The following COG4 variants were observed in gnomAD, a reference collection of about 807,000 sequenced individuals.
COG4 encodes the protein component of oligomeric golgi complex 4, also known as conserved oligomeric Golgi complex subunit 4.
A neutral mutation model predicts 95.1 loss-of-function variants in COG4; 65 were observed. The ratio of observed to expected loss-of-function variants is 0.68; its 90% CI spans 0.56 to 0.84. COG4 has a LOEUF of 0.84. Among genes scored for constraint, COG4 ranks in the 40% least tolerant of loss-of-function variants. COG4 has a pLI of 0.00. For synonymous variants in COG4, 421 were observed against 374.8 expected, an observed-to-expected ratio of 1.12 and a Z score of -1.42; for missense variants, 1,045 against 989.1, an observed-to-expected ratio of 1.06 and a Z score of -0.76.
intron 5 of COG4, among the ~76,000 whole-genome samples, chr16:70,510,837 C>T (rs2049688170): frequency 6.6e-6 from 1 of 150,748 alleles, no homozygotes; most frequent in Admixed American, 6.6e-5. Context: ...AATCTTGGCT[C>T]ACTGCAACCT....
Position 70,483,926 on chromosome 16 carries a change from T to TG in COG4, c.1753dup (p.Gln585ProfsTer7). On this transcript the variant is annotated frameshift_variant, in exon 14 of 19. Coordinates refer to ENST00000323786, the MANE Select transcript of COG4 (RefSeq NM_015386.3). LOFTEE classifies it high-confidence loss of function. ...GCAGCTGTCAAACTTGGCCTGGGCCTGCTCCCCTCCAATGCCCTGGCTGAA... is the reference window on the plus strand; with the variant it reads ...GCAGCTGTCAAACTTGGCCTGGGCCTGGCTCCCCTCCAATGCCCTGGCTGAA... The TG allele has an allele frequency of 1.9e-6, 3 of 1,613,276 alleles. No individual in the cohort carries two copies. Among genetic ancestry groups the TG allele is most frequent in the Non-Finnish European group, 2.5e-6 (3 of 1,180,012 alleles).
chr16:70,521,564 A>G (rs2049943004), intron 1 of COG4, among the ~76,000 whole-genome samples: 4 of 152,118 alleles, frequency 2.6e-5, no homozygotes, highest in Admixed American at 2.6e-4. Flanking sequence ...TCCAGAGGAA[A>G]ACGTCCTCTT....
Position 70,512,508 on chromosome 16 carries a change from T to C in COG4, c.545-76A>G, listed in dbSNP as rs574633335. On this transcript the variant is annotated intron_variant, in intron 4 of 18. Transcript: ENST00000323786. Reference sequence around the variant, plus strand: ...AGGTCCATGCCACTTTGTGTAATACTATTCATCCAGCAAATACGTATTAAG... The same window carrying C: ...AGGTCCATGCCACTTTGTGTAATACCATTCATCCAGCAAATACGTATTAAG... The C allele has an allele frequency of 1.3e-5, 16 of 1,216,716 alleles. No individual in the cohort carries two copies. The East Asian group carries it at 3.9e-4, about 30-fold the overall frequency. The allele number at this position is 1,216,716 out of a possible 1,614,324, so 75.4% of individuals were successfully genotyped here.
chr16:70,482,603 C>G (rs2049020906), intron 15 of COG4, 126 bp downstream of exon 15: 3 of 768,402 alleles, frequency 3.9e-6, no homozygotes, highest in Non-Finnish European at 6.9e-6. Flanking sequence ...CTTCATGGGT[C>G]AGGGTGGGGG....
chr16:70,496,481 C>T lies in COG4; in HGVS notation c.1482-50G>A, dbSNP rs57301833. On this transcript the variant is annotated intron_variant, in intron 11 of 18. Coordinates refer to ENST00000323786, the MANE Select transcript of COG4 (RefSeq NM_015386.3). ...AATTGACAGTGCTCAACTTGGCCACCAGGACAGAAGGGCCAGTCTTCACCA... is the reference window on the plus strand; with the variant it reads ...AATTGACAGTGCTCAACTTGGCCACTAGGACAGAAGGGCCAGTCTTCACCA... 24,506 of 1,596,848 alleles carry T rather than the reference C, an allele frequency of 0.015. 2,785 individuals carry two copies. The African/African-American group carries it at 0.27, about 17-fold the overall frequency.
At chr16:70,497,174 C>T in intron 11 of COG4, 47 bp downstream of exon 11, 3 of 1,589,172 alleles carry the variant, frequency 1.9e-6, no homozygotes, top group Non-Finnish European at 2.6e-6. Context: ...CAGGAATCAA[C>T]AGGAAGGGCC....
intron 1 of COG4, among the ~76,000 whole-genome samples, chr16:70,520,024 G>A (rs2049901556): frequency 6.6e-6 from 1 of 152,236 alleles, no homozygotes; most frequent in Non-Finnish European, 1.5e-5. Flanking sequence ...TACAATGCCT[G>A]GCCAGCACTG....
intron 8 of COG4, among the ~76,000 whole-genome samples, chr16:70,506,627 A>AAAAG (rs1405431900): frequency 7.3e-6 from 1 of 137,248 alleles, no homozygotes; most frequent in African/African-American, 2.9e-5. Context: ...ACAAAAAAAA[A>AAAAG]AACATTTAGC....
At chr16:70,497,117 G>A in intron 11 of COG4, 104 bp downstream of exon 11, 1 of 1,147,608 alleles carries the variant, frequency 8.7e-7, no homozygotes. Context: ...GTCCTGTATA[G>A]AACTTAACTA....
chr16:70,488,158 G>T lies in COG4; in HGVS notation c.1710+2172C>A, dbSNP rs530763740. On this transcript the variant is annotated intron_variant, in intron 13 of 18. Transcript: ENST00000323786. ...TACCTTTTTTTTTTCTTTTGAGATG[G>T]AGTCTTTCTCTGTTGCCCAGGCTAG... 4.0e-5 allele frequency among the ~76,000 whole-genome samples: 6 copies of T among 151,398 alleles called. No individual in the cohort carries two copies. The East Asian group carries it at 5.8e-4, about 15-fold the overall frequency.
intron 7 of COG4, chr16:70,509,017 G>A (rs1003732191): frequency 2.2e-5 from 14 of 624,538 alleles, no homozygotes; most frequent in African/African-American, 1.7e-4. Context: ...TTTTATTTCC[G>A]TTTTGGTCTT....
intron 8 of COG4, among the ~76,000 whole-genome samples, chr16:70,504,468 A>G (rs1361645803): frequency 1.3e-5 from 2 of 152,034 alleles, no homozygotes; most frequent in African/African-American, 2.4e-5. Flanking sequence ...TTAGCCAGAC[A>G]TAGTGGTGAG....
chr16:70,508,473 T>C lies in COG4; in HGVS notation c.1003-9A>G. The C allele has an allele frequency of 1.2e-6, 2 of 1,613,534 alleles. No individual in the cohort carries two copies. The highest frequency in any genetic ancestry group is 8.5e-7 in the Non-Finnish European group (1 of 1,179,412). On this transcript the variant is annotated splice_polypyrimidine_tract_variant and intron_variant, in intron 7 of 18. Transcript: ENST00000323786. ...TTCTGAACATGCCGGAACTGCAACATACCACAGGAATGAGAATATTCTTCC... is the reference window on the plus strand; with the variant it reads ...TTCTGAACATGCCGGAACTGCAACACACCACAGGAATGAGAATATTCTTCC...
intron 8 of COG4, 72 bp downstream of exon 8, chr16:70,508,334 A>G: frequency 8.2e-7 from 1 of 1,218,138 alleles, no homozygotes; most frequent in Non-Finnish European, 1.2e-6. Context: ...ATTGTAACAG[A>G]GTAGTCTGAA....
At chr16:70,487,541 C>T (rs1303239331) in intron 13 of COG4, among the ~76,000 whole-genome samples, 1 of 152,162 alleles carries the variant, frequency 6.6e-6, no homozygotes, top group Non-Finnish European at 1.5e-5. Context: ...GAGATCGCGC[C>T]ATTGCACTCT....
intron 9 of COG4, among the ~76,000 whole-genome samples, chr16:70,499,304 G>A (rs1481553091): frequency 6.6e-6 from 1 of 152,072 alleles, no homozygotes; most frequent in Non-Finnish European, 1.5e-5. Flanking sequence ...GGGCAGCACA[G>A]CTCTGAATAG....
chr16:70,490,315 C>T lies in COG4; in HGVS notation c.1710+15G>A. ...AAGATGGCTGCTGACCACTGATAGG[C>T]AATTTCCCTCGTACCTCCAGTGTCT... On this transcript the variant is annotated intron_variant, in intron 13 of 18. Transcript: ENST00000323786. 1 of 1,609,066 alleles carries T rather than the reference C, an allele frequency of 6.2e-7. No individual in the cohort carries two copies. The highest frequency in any genetic ancestry group is 8.5e-7 in the Non-Finnish European group (1 of 1,175,548).
chr16:70,486,400 C>T (rs1424205540), intron 13 of COG4, among the ~76,000 whole-genome samples: 4 of 152,168 alleles, frequency 2.6e-5, no homozygotes, highest in African/African-American at 9.7e-5. Context: ...GCCCTTCACT[C>T]CCACAGTATT....
intron 8 of COG4, among the ~76,000 whole-genome samples, chr16:70,504,380 G>C (rs1040948544): frequency 6.6e-6 from 1 of 152,068 alleles, no homozygotes; most frequent in African/African-American, 2.4e-5. Context: ...GCTGAGGCGG[G>C]CAGATCACCT....
Sources: allele counts gnomAD v4.1 joint callset (sites outside exome capture counted in the v4.1 genomes callset), GRCh38; gene constraint gnomAD v4.1.1; transcripts MANE v1.5; gene names NCBI Gene and HGNC (gene_info 2026-07-23, HGNC 2026-07-21).